GPC3: variants seen among roughly 807,000 people sequenced by gnomAD.
GPC3 encodes the protein glypican-3.
A neutral mutation model predicts 34.4 loss-of-function variants in GPC3; 3 were observed. That is an observed-to-expected ratio of 0.09 (90% CI 0.04 to 0.23). The LOEUF (loss-of-function observed/expected upper bound fraction) is 0.23. Among genes scored for constraint, GPC3 ranks in the 10% least tolerant of loss-of-function variants. The pLI, the probability that GPC3 is intolerant of heterozygous loss-of-function variation, is 1.00. For missense variants in GPC3, 351 were observed against 445.6 expected (o/e 0.79, Z 1.91); for synonymous variants, 177 against 174.0 (o/e 1.02, Z -0.13).
intron 7 of GPC3, among the ~76,000 whole-genome samples, chrX:133,556,140 C>T (rs1373409415): frequency 8.9e-6 from 1 of 111,836 alleles, no homozygotes; most frequent in Admixed American, 9.5e-5. Context: ...TGTGACAGCT[C>T]CCCTGTTTTG....
chrX:133,738,023 G>C (rs909678706), intron 3 of GPC3, among the ~76,000 whole-genome samples: 1 of 111,631 alleles, frequency 9.0e-6, no homozygotes, highest in Non-Finnish European at 1.9e-5. Flanking sequence ...GAGTACAGTG[G>C]TGTGATCACA....
chrX:133,846,617 T>C (rs1274598083), intron 2 of GPC3, among the ~76,000 whole-genome samples: 1 of 111,614 alleles, frequency 9.0e-6, no homozygotes, highest in Admixed American at 9.6e-5. Flanking sequence ...ATATCCAACA[T>C]GAAAAGGCAG....
At chrX:133,550,671 T>G (rs1476554257) in intron 7 of GPC3, among the ~76,000 whole-genome samples, 1 of 111,947 alleles carries the variant, frequency 8.9e-6, no homozygotes, top group East Asian at 2.8e-4. Context: ...ACTGAGAATG[T>G]GCAGGTGAAG....
At position 133,721,935 on chromosome X, in the gene GPC3, G is replaced by A. The variant is rs751677976; in HGVS notation, c.1033-21907C>T. Among the ~76,000 whole-genome samples the A allele has an allele frequency of 4.5e-5, 5 of 111,420 alleles. No individual in the cohort carries two copies. The South Asian group carries it at 1.9e-3, about 42-fold the overall frequency. On this transcript the variant is annotated intron_variant, in intron 3 of 7. Coordinates refer to ENST00000370818, the MANE Select transcript of GPC3 (RefSeq NM_004484.4). ...ACCAAAGCAAAAAATAGATGAAATGGACTTCATAAAAATTAAAGCACTTTG... is the reference window on the plus strand; with the variant it reads ...ACCAAAGCAAAAAATAGATGAAATGAACTTCATAAAAATTAAAGCACTTTG...
chrX:133,980,363 C>T (rs1484144505), intron 1 of GPC3, among the ~76,000 whole-genome samples: 2 of 112,038 alleles, frequency 1.8e-5, no homozygotes, highest in South Asian at 3.7e-4. Context: ...TGTAAGATGA[C>T]ATATGGCTTA....
At chrX:133,685,808 G>T (rs1164962964) in intron 5 of GPC3, among the ~76,000 whole-genome samples, 3 of 107,123 alleles carry the variant, frequency 2.8e-5, no homozygotes, top group African/African-American at 1.0e-4. Flanking sequence ...GCCCAGGCAG[G>T]ACTGAAACTC....
Position 133,858,073 on chromosome X carries a change from T to G in GPC3, c.337+94977A>C, listed in dbSNP as rs141244645. On this transcript the variant is annotated intron_variant, in intron 2 of 7. Coordinates refer to ENST00000370818, the MANE Select transcript of GPC3 (RefSeq NM_004484.4). ...ATATCCAGGTACACAGGGCATGACA[T>G]ATGTCAGAGTTTAATAAGTGGAACA... Among the ~76,000 whole-genome samples, 842 of 111,251 alleles carry G rather than the reference T, an allele frequency of 7.6e-3. 7 individuals are homozygous for G. Among genetic ancestry groups the G allele is most frequent in the Middle Eastern group, 0.018 (4 of 217 alleles).
At chrX:133,767,237 G>A (rs2071857226) in intron 2 of GPC3, among the ~76,000 whole-genome samples, 1 of 111,745 alleles carries the variant, frequency 8.9e-6, no homozygotes, top group African/African-American at 3.3e-5. Context: ...TCTACAACTT[G>A]GGTAAGATGT....
At chrX:133,740,351 G>C (rs978357576) in intron 3 of GPC3, among the ~76,000 whole-genome samples, 6 of 112,000 alleles carry the variant, frequency 5.4e-5, no homozygotes, top group African/African-American at 1.9e-4. Flanking sequence ...ATCCTTTTCA[G>C]ACTGATAGAA....
chrX:133,959,824 G>A (rs1234561797), intron 1 of GPC3, among the ~76,000 whole-genome samples: 8 of 112,149 alleles, frequency 7.1e-5, no homozygotes, highest in African/African-American at 1.9e-4. Context: ...ATACGGTTAC[G>A]TGACAAAATA....
chrX:133,896,362 G>GA (rs375226597), intron 2 of GPC3, among the ~76,000 whole-genome samples: 34,252 of 80,942 alleles, frequency 0.42, 5,746 homozygotes, highest in African/African-American at 0.49. Flanking sequence ...GATTGTCTCA[G>GA]AAAAAAAAAA....
At chrX:133,536,469 G>C (rs932532521) in intron 7 of GPC3, among the ~76,000 whole-genome samples, 176 bp from the exon 8 acceptor site, 1 of 106,246 alleles carries the variant, frequency 9.4e-6, no homozygotes, top group African/African-American at 3.4e-5. Flanking sequence ...GTGGGGGTGG[G>C]GGTGGGGAGA....
At chrX:133,817,094 C>T (rs1161097384) in intron 2 of GPC3, among the ~76,000 whole-genome samples, 1 of 111,810 alleles carries the variant, frequency 8.9e-6, no homozygotes, top group Non-Finnish European at 1.9e-5. Context: ...GGTTACTGAT[C>T]TCACCTCTGT....
chrX:133,955,447 A>G (rs937085179), intron 1 of GPC3, among the ~76,000 whole-genome samples: 2 of 110,836 alleles, frequency 1.8e-5, no homozygotes, highest in African/African-American at 6.6e-5. Context: ...ATTTTCCTTC[A>G]TAAGTGTTTT....
At chrX:133,651,937 T>C (rs931717526) in intron 6 of GPC3, among the ~76,000 whole-genome samples, 5 of 112,305 alleles carry the variant, frequency 4.5e-5, no homozygotes, top group Non-Finnish European at 9.4e-5. Context: ...CTCTGATCAA[T>C]AAGGCATGTG....
chrX:133,738,763 G>A (rs760682937), intron 3 of GPC3, among the ~76,000 whole-genome samples: 3 of 111,942 alleles, frequency 2.7e-5, no homozygotes, highest in Non-Finnish European at 3.8e-5. Flanking sequence ...CTTTATTCAT[G>A]AGTCTTCTGT....
chrX:133,818,627 G>T (rs1441289634), intron 2 of GPC3, among the ~76,000 whole-genome samples: 3 of 111,583 alleles, frequency 2.7e-5, no homozygotes. Context: ...GCAATAGATT[G>T]GTTGTCCCCC....
chrX:133,704,284 A>C, intron 3 of GPC3: 1 of 1,061,437 alleles, frequency 9.4e-7, no homozygotes, highest in Non-Finnish European at 1.2e-6. Flanking sequence ...CTTGAAAAAA[A>C]AAAAAAGGTG....
chrX:133,635,340 T>C (rs753810184), intron 6 of GPC3, among the ~76,000 whole-genome samples: 39 of 111,807 alleles, frequency 3.5e-4, no homozygotes, highest in Non-Finnish European at 5.6e-4. Flanking sequence ...CCTGGAGGTC[T>C]CTGGGACACA....
Sources: allele counts gnomAD v4.1 joint callset (sites outside exome capture counted in the v4.1 genomes callset), GRCh38; gene constraint gnomAD v4.1.1; transcripts MANE v1.5; gene names NCBI Gene and HGNC (gene_info 2026-07-23, HGNC 2026-07-21).